Variants in ZFAT observed in about 807,000 individuals in gnomAD.
The protein encoded by ZFAT is zinc finger protein ZFAT.
A neutral mutation model predicts 117.7 loss-of-function variants in ZFAT; 64 were observed. The observed-to-expected ratio is 0.54, with a 90% CI of 0.44 to 0.67. ZFAT has a LOEUF of 0.67. ZFAT is among the 30% of genes least tolerant of loss of function. The pLI, the probability that ZFAT is intolerant of heterozygous loss-of-function variation, is 0.00. For missense variants in ZFAT, 1,433 were observed against 1,584.5 expected (o/e 0.90, Z 1.62); for synonymous variants, 679 against 615.0 (o/e 1.10, Z -1.54).
At chr8:134,701,240 T>C (rs1338723071) in intron 1 of ZFAT, among the ~76,000 whole-genome samples, 1 of 152,194 alleles carries the variant, frequency 6.6e-6, no homozygotes, top group Non-Finnish European at 1.5e-5. Flanking sequence ...ATTTAACTAC[T>C]CTAGGAATCT....
At chr8:134,631,430 G>C (rs577802190) in intron 3 of ZFAT, among the ~76,000 whole-genome samples, 1 of 152,164 alleles carries the variant, frequency 6.6e-6, no homozygotes, top group Non-Finnish European at 1.5e-5. Context: ...GGCAGGAGTC[G>C]GGAGACACGG....
intron 15 of ZFAT, among the ~76,000 whole-genome samples, chr8:134,485,654 C>A (rs576321284): frequency 6.6e-6 from 1 of 152,250 alleles, no homozygotes; most frequent in African/African-American, 2.4e-5. Context: ...AAACCCAACT[C>A]CCTAACATAG....
intron 3 of ZFAT, among the ~76,000 whole-genome samples, chr8:134,622,647 C>T (rs1165343131): frequency 1.3e-5 from 2 of 152,180 alleles, no homozygotes; most frequent in Non-Finnish European, 2.9e-5. Context: ...CCCCCCTCTC[C>T]ACCCAGCTCC....
intron 11 of ZFAT, among the ~76,000 whole-genome samples, chr8:134,534,614 G>A (rs939150201): frequency 6.7e-6 from 1 of 149,642 alleles, no homozygotes; most frequent in Admixed American, 6.6e-5. Flanking sequence ...AGAGGGAAGA[G>A]AGGGAGAGAG....
At chr8:134,615,491 T>C (rs577721921) in intron 3 of ZFAT, among the ~76,000 whole-genome samples, 4 of 152,232 alleles carry the variant, frequency 2.6e-5, no homozygotes, top group Non-Finnish European at 5.9e-5. Context: ...GCCTGGCCCA[T>C]GGCAACATCT....
Position 134,490,688 on chromosome 8 carries a change from C to A in ZFAT, c.3493-11967G>T, listed in dbSNP as rs569873133. Among the ~76,000 whole-genome samples the A allele has an allele frequency of 2.6e-5, 4 of 152,352 alleles. No individual in the cohort carries two copies. The East Asian group carries it at 7.7e-4, about 29-fold the overall frequency. On this transcript the variant is annotated intron_variant, in intron 15 of 15. Transcript: ENST00000377838. ...GTTATGCAAATAGCTGCTCCAAGAC[C>A]ATCAGGCTGGATTCTTCCTCAGGAT...
chr8:134,790,520 C>T, the ZFAT span, among the ~76,000 whole-genome samples: 1 of 152,054 alleles, frequency 6.6e-6, no homozygotes, highest in African/African-American at 2.4e-5. Context: ...GCTACCTGTC[C>T]CCCACGCCTC....
intron 3 of ZFAT, among the ~76,000 whole-genome samples, chr8:134,634,532 C>G (rs1336488179): frequency 1.3e-5 from 2 of 151,988 alleles, no homozygotes; most frequent in Non-Finnish European, 2.9e-5. Context: ...CAATCTGGTT[C>G]TAGGAATTTA....
In ZFAT at chr8:134,712,941, C is replaced by T; in HGVS notation, c.-78G>A. The T allele has an allele frequency of 1.4e-6, 2 of 1,425,678 alleles. No homozygotes were observed. Among genetic ancestry groups the T allele is most frequent in the Non-Finnish European group, 1.8e-6 (2 of 1,083,880 alleles). 88.3% of individuals were successfully genotyped at this position (1,425,678 alleles called of 1,614,324 possible). On this transcript the variant is annotated 5_prime_UTR_variant, in exon 1 of 16. Transcript: ENST00000377838. ...TCCCGTGCCGACCGAGGGGGCGGGG[C>T]GCCCTGCTGACGCTTCGCTTTTTAT...
At chr8:134,812,529 G>A in the ZFAT span, among the ~76,000 whole-genome samples, 4 of 152,154 alleles carry the variant, frequency 2.6e-5, no homozygotes, top group African/African-American at 9.7e-5. Flanking sequence ...CCAGGAGTTC[G>A]AGACCAGCCT....
At chr8:134,518,758 T>C (rs1175695841) in intron 13 of ZFAT, among the ~76,000 whole-genome samples, 3 of 152,124 alleles carry the variant, frequency 2.0e-5, no homozygotes, top group African/African-American at 4.8e-5. Flanking sequence ...CTTCTAGTAT[T>C]TGTAAAATAT....
intron 12 of ZFAT, among the ~76,000 whole-genome samples, chr8:134,524,770 T>C (rs916952960): frequency 6.6e-6 from 1 of 152,220 alleles, no homozygotes; most frequent in African/African-American, 2.4e-5. Context: ...GTATTGCACA[T>C]GTCAGGATCA....
At chr8:134,619,583 C>T (rs1586829882) in intron 3 of ZFAT, among the ~76,000 whole-genome samples, 2 of 152,290 alleles carry the variant, frequency 1.3e-5, no homozygotes, top group Admixed American at 1.3e-4. Context: ...TAAGGCCTGG[C>T]AGGATTTAGC....
intron 12 of ZFAT, among the ~76,000 whole-genome samples, chr8:134,530,785 T>A (rs951327842): frequency 1.7e-4 from 16 of 93,418 alleles, no homozygotes; most frequent in African/African-American, 5.6e-4. Context: ...AATAAAAAAA[T>A]AATACAAATT....
At chr8:134,534,411 C>T (rs1821662819) in intron 11 of ZFAT, among the ~76,000 whole-genome samples, 1 of 152,192 alleles carries the variant, frequency 6.6e-6, no homozygotes. Flanking sequence ...AAACCAGCAA[C>T]TGCAATGTCT....
At chr8:134,821,041 C>T in the ZFAT span, among the ~76,000 whole-genome samples, 1 of 152,150 alleles carries the variant, frequency 6.6e-6, no homozygotes, top group Non-Finnish European at 1.5e-5. Flanking sequence ...TGTGCCAATT[C>T]TAGACTTAGT....
the ZFAT span, among the ~76,000 whole-genome samples, chr8:134,732,101 G>A: frequency 6.6e-6 from 1 of 152,142 alleles, no homozygotes; most frequent in Non-Finnish European, 1.5e-5. Flanking sequence ...TTTCCTACAT[G>A]AGCATTGCAT....
intron 11 of ZFAT, among the ~76,000 whole-genome samples, chr8:134,560,595 C>G (rs1330915724): frequency 6.6e-6 from 1 of 152,180 alleles, no homozygotes; most frequent in East Asian, 1.9e-4. Flanking sequence ...TCCTGCCTAA[C>G]TACACTGCCT....
chr8:134,601,293 G>A (rs374218366), intron 6 of ZFAT, among the ~76,000 whole-genome samples, 184 bp downstream of exon 6: 19 of 152,104 alleles, frequency 1.2e-4, no homozygotes, highest in African/African-American at 3.4e-4. Flanking sequence ...CAGCCATCCC[G>A]GCCACCTCCA....
Sources: allele counts gnomAD v4.1 joint callset (sites outside exome capture counted in the v4.1 genomes callset), GRCh38; gene constraint gnomAD v4.1.1; transcripts MANE v1.5; gene names NCBI Gene and HGNC (gene_info 2026-07-23, HGNC 2026-07-21).